The following LAMA2 variants were observed in gnomAD, a reference collection of about 807,000 sequenced individuals.
LAMA2 encodes the protein laminin subunit alpha 2.
In LAMA2, 269 loss-of-function variants were observed where a neutral mutation model predicts 364.8. That is an observed-to-expected ratio of 0.74 (90% confidence interval 0.67 to 0.82). The LOEUF is 0.82. Ranked by LOEUF, LAMA2 falls within the 40% of genes least tolerant of loss-of-function variation. The pLI, the probability that LAMA2 is intolerant of heterozygous loss-of-function variation, is 0.00. For synonymous variants in LAMA2, 1,379 were observed against 1,370.6 expected (o/e 1.01, Z -0.14); for missense variants, 3,807 against 3,873.2 (o/e 0.98, Z 0.45).
In LAMA2 at chr6:129,453,137, T is replaced by C; in HGVS notation, c.6573+6T>C. The C allele has an allele frequency of 6.2e-7, 1 of 1,611,138 alleles. No homozygotes were observed. The highest frequency in any genetic ancestry group is 8.5e-7 in the Non-Finnish European group (1 of 1,178,212). ...ATCTTGGAAGTGCCAAATTTGTAAG[T>C]CTAATATTCAACTTTTCATTAGGCT... On this transcript the variant is annotated splice_donor_region_variant and intron_variant, in intron 46 of 64. Coordinates refer to ENST00000421865, the MANE Select transcript of LAMA2 (RefSeq NM_000426.4).
chr6:129,355,941 G>A (rs1463305292), intron 32 of LAMA2, among the ~76,000 whole-genome samples: 2 of 152,080 alleles, frequency 1.3e-5, no homozygotes, highest in African/African-American at 2.4e-5. Flanking sequence ...ATTGGTGAAA[G>A]GAATCTATAC....
Position 129,088,678 on chromosome 6 carries a change from C to T in LAMA2, c.397-9495C>T, listed in dbSNP as rs572086343. Among the ~76,000 whole-genome samples the T allele has an allele frequency of 3.5e-3, 522 of 148,950 alleles. 2 individuals carry two copies. Among genetic ancestry groups the T allele is most frequent in the African/African-American group, 0.013 (506 of 40,354 alleles). ...GGGGCTCCTCACTTCTCAGACGGGG[C>T]GGCTGCCGGGCGGAGGGGTTCCTCA... On this transcript the variant is annotated intron_variant, in intron 3 of 64. Transcript: ENST00000421865.
At chr6:128,930,477 T>A (rs867453560) in intron 1 of LAMA2, among the ~76,000 whole-genome samples, 4 of 152,182 alleles carry the variant, frequency 2.6e-5, no homozygotes, top group Non-Finnish European at 5.9e-5. Context: ...CAGTGCATAA[T>A]TCGCCATGCT....
rs146678093 is a variant in LAMA2 at position 129,468,601 on chromosome 6, A to G, written c.7300+3312A>G. ...TTCTTACATAAAGTTGAAAAATGCA[A>G]TCTCAATAGATGACAAGCATATGGT... is the stretch of plus-strand genomic sequence containing the variant. On this transcript the variant is annotated intron_variant, in intron 51 of 64. Transcript: ENST00000421865. 1.1e-4 allele frequency among the ~76,000 whole-genome samples: 16 copies of G among 152,086 alleles called. No homozygotes were observed. In the East Asian group the frequency reaches 2.7e-3, roughly 26 times the overall value.
chr6:129,051,172 T>C (rs1787974348), intron 2 of LAMA2, among the ~76,000 whole-genome samples: 1 of 143,884 alleles, frequency 7.0e-6, no homozygotes, highest in South Asian at 2.2e-4. Context: ...CTCGCTTACC[T>C]CTCTCTCTCT....
chr6:129,501,764 A>G (rs2114885462), intron 58 of LAMA2, among the ~76,000 whole-genome samples: 1 of 152,334 alleles, frequency 6.6e-6, no homozygotes. Flanking sequence ...CAGCCTGTAT[A>G]TCGACCTATC....
rs766082530 is a variant in LAMA2 at position 129,320,643 on chromosome 6, C to A, written c.4164C>A (p.Gly1388=). The change falls in exon 28 of 65, where the codon GGC becomes GGA. Residue 1388 remains glycine (G), a synonymous_variant. Transcript: ENST00000421865. ...GTGATTGTCCCCTGGGCTATTCTGG[C>A]CTGTCCTGTGAGGTAAGCTACCTCC... ...EKCDCPLGYS[G]LSCEACLPGF... is the part of the protein sequence containing the mutation. The A allele has an allele frequency of 4.4e-6, 7 of 1,605,904 alleles. No individual in the cohort carries two copies. The highest frequency in any genetic ancestry group is 4.3e-6 in the Non-Finnish European group (5 of 1,172,636).
chr6:128,978,518 A>T (rs980857284), intron 1 of LAMA2, among the ~76,000 whole-genome samples: 1 of 151,946 alleles, frequency 6.6e-6, no homozygotes, highest in African/African-American at 2.4e-5. Flanking sequence ...AGGTTTCACC[A>T]TGTTGGCCAG....
intron 3 of LAMA2, among the ~76,000 whole-genome samples, chr6:129,067,848 G>T (rs539703476): frequency 5.9e-5 from 9 of 152,086 alleles, no homozygotes; most frequent in Middle Eastern, 3.4e-3. Flanking sequence ...ACCTCCTTTT[G>T]GTTTTTATTC....
intron 35 of LAMA2, among the ~76,000 whole-genome samples, chr6:129,390,628 C>CA (rs1206633439): frequency 1.3e-5 from 2 of 151,518 alleles, no homozygotes; most frequent in African/African-American, 2.4e-5. Context: ...TTAAATTCAC[C>CA]AAAAAAATGT....
intron 51 of LAMA2, among the ~76,000 whole-genome samples, chr6:129,472,482 G>T (rs952468708): frequency 2.0e-5 from 3 of 151,964 alleles, no homozygotes; most frequent in Admixed American, 1.3e-4. Context: ...GAGATAAGGA[G>T]TTCCTGTCTG....
chr6:129,053,156 G>T (rs1050313347), intron 2 of LAMA2, among the ~76,000 whole-genome samples: 6 of 152,252 alleles, frequency 3.9e-5, no homozygotes, highest in African/African-American at 1.4e-4. Context: ...TCGGCTCACC[G>T]CAACCTCCGC....
intron 1 of LAMA2, among the ~76,000 whole-genome samples, chr6:128,971,825 C>T (rs1782206271): frequency 6.6e-6 from 1 of 152,126 alleles, no homozygotes; most frequent in Non-Finnish European, 1.5e-5. Context: ...TCATATCTGT[C>T]AGTTATCGGC....
intron 4 of LAMA2, among the ~76,000 whole-genome samples, chr6:129,121,963 T>G (rs1440010944): frequency 1.3e-5 from 2 of 152,160 alleles, no homozygotes; most frequent in Non-Finnish European, 2.9e-5. Flanking sequence ...AAAAATAAAA[T>G]TTGTGATTAT....
intron 12 of LAMA2, among the ~76,000 whole-genome samples, chr6:129,199,904 C>A (rs1782080500): frequency 6.6e-6 from 1 of 151,740 alleles, no homozygotes; most frequent in Non-Finnish European, 1.5e-5. Flanking sequence ...CATGGCAAAA[C>A]CCTGTCTCTA....
intron 1 of LAMA2, among the ~76,000 whole-genome samples, chr6:128,972,397 T>G (rs1782239600): frequency 6.6e-6 from 1 of 152,196 alleles, no homozygotes; most frequent in Non-Finnish European, 1.5e-5. Flanking sequence ...CCATCAGTTA[T>G]ATGTGGATTA....
chr6:129,038,575 C>T (rs945827939), intron 1 of LAMA2, among the ~76,000 whole-genome samples: 16 of 152,296 alleles, frequency 1.1e-4, no homozygotes, highest in African/African-American at 2.9e-4. Context: ...TTACTGCTGC[C>T]GCCATCACTA....
At position 129,482,720 on chromosome 6, in the gene LAMA2, A is replaced by T. The variant is rs1181650740; in HGVS notation, c.7749+1281A>T. 3.3e-5 allele frequency among the ~76,000 whole-genome samples: 5 copies of T among 152,218 alleles called. No individual in the cohort carries two copies. In the East Asian group the frequency reaches 9.6e-4, roughly 29 times the overall value. ...GAGAACCCAAAGATGTATAACCACG[A>T]GTAACTTGGATTATTTCAGGAATGC... is the stretch of plus-strand genomic sequence containing the variant. On this transcript the variant is annotated intron_variant, in intron 55 of 64. Transcript: ENST00000421865.
intron 3 of LAMA2, among the ~76,000 whole-genome samples, chr6:129,093,208 C>T (rs1362301740): frequency 6.6e-6 from 1 of 150,984 alleles, no homozygotes; most frequent in African/African-American, 2.4e-5. Context: ...CCAGGCTGGT[C>T]TCGAACTCCT....
Sources: allele counts gnomAD v4.1 joint callset (sites outside exome capture counted in the v4.1 genomes callset), GRCh38; gene constraint gnomAD v4.1.1; transcripts MANE v1.5; gene names NCBI Gene and HGNC (gene_info 2026-07-23, HGNC 2026-07-21).